Variants in UTS2 observed in about 807,000 individuals in gnomAD.
UTS2 encodes urotensin-2.
Under a neutral mutation model 12.6 loss-of-function variants are expected in UTS2, and 10 were observed. The observed-to-expected ratio is 0.80, with a 90% confidence interval of 0.49 to 1.35. UTS2 has a LOEUF of 1.35. Ranked by LOEUF, UTS2 falls within the 40% of genes most tolerant of loss-of-function variation. The pLI, the probability that UTS2 is intolerant of heterozygous loss-of-function variation, is 0.00. For synonymous variants in UTS2, 52 were observed against 50.0 expected, an observed-to-expected ratio of 1.04 and a Z score of -0.17; for missense variants, 142 against 143.2, an observed-to-expected ratio of 0.99 and a Z score of 0.04.
At chr1:7,883,304 C>T in the UTS2 span, among the ~76,000 whole-genome samples, 2 of 152,174 alleles carry the variant, frequency 1.3e-5, no homozygotes, top group Non-Finnish European at 2.9e-5. Context: ...ATTACATGTT[C>T]TGACTCATAT....
At chr1:7,912,903 AT>A in the UTS2 span, among the ~76,000 whole-genome samples, 85 of 144,136 alleles carry the variant, frequency 5.9e-4, no homozygotes, top group South Asian at 4.6e-3. Flanking sequence ...GAAATCGTTT[AT>A]TTTTTTTTTC....
At chr1:7,869,461 G>A in the UTS2 span, among the ~76,000 whole-genome samples, 4 of 152,230 alleles carry the variant, frequency 2.6e-5, no homozygotes, top group Non-Finnish European at 5.9e-5. Context: ...TCTTAGTGAT[G>A]AGAGTGCTAT....
chr1:7,889,831 C>T, the UTS2 span, among the ~76,000 whole-genome samples: 2 of 152,032 alleles, frequency 1.3e-5, no homozygotes, highest in Non-Finnish European at 2.9e-5. Flanking sequence ...CTTTGGGAGG[C>T]CAAGGCGGGA....
chr1:7,887,077 A>G, the UTS2 span, among the ~76,000 whole-genome samples: 1 of 145,832 alleles, frequency 6.9e-6, no homozygotes, highest in Non-Finnish European at 1.5e-5. Context: ...AAAAGGCTCA[A>G]TCTGGCCCTT....
chr1:7,857,475 T>TA (rs34590533), upstream of UTS2, among the ~76,000 whole-genome samples: 167 of 150,236 alleles, frequency 1.1e-3, 1 homozygote, highest in Non-Finnish European at 1.9e-3. Context: ...ACTACTATGT[T>TA]AAAAAAAAAA....
upstream of UTS2, among the ~76,000 whole-genome samples, chr1:7,856,968 G>A (rs61773395): frequency 0.11 from 17,128 of 152,048 alleles, 1,287 homozygotes; most frequent in South Asian, 0.21. Context: ...GGCTAAGGCA[G>A]GAGAATTGCT....
the UTS2 span, among the ~76,000 whole-genome samples, chr1:7,884,439 A>G: frequency 6.6e-6 from 1 of 151,788 alleles, no homozygotes; most frequent in South Asian, 2.1e-4. Flanking sequence ...GTAGCTGGGA[A>G]CACAGGTGCA....
the UTS2 span, among the ~76,000 whole-genome samples, chr1:7,866,514 C>T: frequency 5.9e-5 from 9 of 152,272 alleles, no homozygotes; most frequent in Admixed American, 2.6e-4. The surrounding 1 kb of genome is among the most constrained non-coding windows in gnomAD (Gnocchi z 4.5). Context: ...ATGTCCTCAG[C>T]GCCACCCACA....
chr1:7,854,575 A>G (rs1170158591), upstream of UTS2, among the ~76,000 whole-genome samples: 1 of 150,910 alleles, frequency 6.6e-6, no homozygotes, highest in African/African-American at 2.4e-5. Context: ...TACTAGGGGA[A>G]AAAACATGAA....
chr1:7,908,255 A>G, the UTS2 span, among the ~76,000 whole-genome samples: 1 of 150,094 alleles, frequency 6.7e-6, no homozygotes, highest in East Asian at 2.0e-4. Flanking sequence ...CCAAGATCAC[A>G]CCACTGCACT....
At chr1:7,866,473 C>G in the UTS2 span, among the ~76,000 whole-genome samples, 7 of 152,188 alleles carry the variant, frequency 4.6e-5, no homozygotes, top group African/African-American at 1.7e-4. The surrounding 1 kb of genome is among the most constrained non-coding windows in gnomAD (Gnocchi z 4.5). Flanking sequence ...CCAGCCCTCT[C>G]ATAATCTAAT....
chr1:7,912,086 C>G, the UTS2 span, among the ~76,000 whole-genome samples: 39 of 152,186 alleles, frequency 2.6e-4, no homozygotes, highest in Non-Finnish European at 5.1e-4. Context: ...AGGCTCATCT[C>G]TTTCTCACTG....
chr1:7,901,882 C>T, the UTS2 span, among the ~76,000 whole-genome samples: 1 of 152,110 alleles, frequency 6.6e-6, no homozygotes, highest in Non-Finnish European at 1.5e-5. Flanking sequence ...TAGGGAAAAG[C>T]ATTTGAGAAA....
At chr1:7,873,941 G>A in the UTS2 span, among the ~76,000 whole-genome samples, 1 of 151,778 alleles carries the variant, frequency 6.6e-6, no homozygotes, top group Non-Finnish European at 1.5e-5. Context: ...AATTGTGAAT[G>A]GTAAGAAACA....
the UTS2 span, among the ~76,000 whole-genome samples, chr1:7,872,858 C>T: frequency 2.6e-5 from 4 of 152,134 alleles, no homozygotes; most frequent in African/African-American, 4.8e-5. Flanking sequence ...AAGAAGATGC[C>T]GTCTAAGACT....
chr1:7,856,627 C>T (rs980625647), upstream of UTS2, among the ~76,000 whole-genome samples: 29 of 152,402 alleles, frequency 1.9e-4, no homozygotes, highest in Non-Finnish European at 2.8e-4. Flanking sequence ...AGTGCTCGCA[C>T]ACTGTCCTCT....
chr1:7,869,427 G>A, the UTS2 span, among the ~76,000 whole-genome samples: 1 of 152,240 alleles, frequency 6.6e-6, no homozygotes, highest in Non-Finnish European at 1.5e-5. Flanking sequence ...AAATAGGGGT[G>A]AGCACGTGGG....
chr1:7,899,811 T>G, the UTS2 span, among the ~76,000 whole-genome samples: 2 of 152,224 alleles, frequency 1.3e-5, no homozygotes, highest in Admixed American at 1.3e-4. Context: ...GGCTGAGCTA[T>G]GTAGTTCTGG....
intron 1 of UTS2, 103 bp from the exon 2 acceptor site, chr1:7,851,025 A>C: frequency 1.8e-6 from 2 of 1,122,358 alleles, no homozygotes; most frequent in Non-Finnish European, 2.6e-6. Context: ...GATGAACACT[A>C]GAAAAACTTC....
Sources: allele counts gnomAD v4.1 joint callset (sites outside exome capture counted in the v4.1 genomes callset), GRCh38; gene constraint gnomAD v4.1.1; non-coding constraint Gnocchi (gnomAD v3.1); transcripts MANE v1.5; gene names NCBI Gene and HGNC (gene_info 2026-07-23, HGNC 2026-07-21).